The following RSU1 variants were observed in gnomAD, a reference collection of about 807,000 sequenced individuals.
RSU1 encodes the protein Ras suppressor protein 1, also known as rsu-1.
RSU1 carries 26 observed loss-of-function variants against 31.1 expected under a neutral mutation model. That is an observed-to-expected ratio of 0.84 (90% confidence interval 0.61 to 1.16). The LOEUF is 1.16. RSU1 is among the 50% of genes most tolerant of loss of function. The pLI, the probability that RSU1 is intolerant of heterozygous loss-of-function variation, is 0.00. For synonymous variants in RSU1, 164 were observed against 136.3 expected (o/e 1.20, Z -1.41); for missense variants, 320 against 339.1 (o/e 0.94, Z 0.44).
At chr10:16,632,867 C>A (rs1011412135) in intron 8 of RSU1, among the ~76,000 whole-genome samples, 6 of 152,090 alleles carry the variant, frequency 3.9e-5, no homozygotes, top group Admixed American at 3.9e-4. Flanking sequence ...ATCTCTGAAG[C>A]CTGGGAGGCA....
At chr10:16,812,043 G>C (rs933949061) in intron 2 of RSU1, among the ~76,000 whole-genome samples, 4 of 152,202 alleles carry the variant, frequency 2.6e-5, no homozygotes, top group African/African-American at 9.7e-5. Context: ...GGGGGCAAGG[G>C]CTAGCTGGAG....
At chr10:16,778,932 T>C (rs1389236137) in intron 3 of RSU1, among the ~76,000 whole-genome samples, 2 of 152,206 alleles carry the variant, frequency 1.3e-5, no homozygotes, top group Admixed American at 1.3e-4. Context: ...AAGCATTATT[T>C]CCGAAAGGAT....
chr10:16,802,266 T>C (rs1838172793), intron 2 of RSU1, among the ~76,000 whole-genome samples: 1 of 151,282 alleles, frequency 6.6e-6, no homozygotes, highest in African/African-American at 2.4e-5. Flanking sequence ...TCATGGATGT[T>C]AAAGGGATAA....
At chr10:16,792,025 G>A (rs1257666678) in intron 2 of RSU1, among the ~76,000 whole-genome samples, 4 of 152,298 alleles carry the variant, frequency 2.6e-5, no homozygotes, top group Admixed American at 6.5e-5. Flanking sequence ...GATGAGACAC[G>A]GGAAATGAGG....
intron 2 of RSU1, among the ~76,000 whole-genome samples, chr10:16,800,398 T>G (rs576050862): frequency 6.6e-6 from 1 of 151,984 alleles, no homozygotes; most frequent in East Asian, 1.9e-4. Context: ...CCTGAGAGAA[T>G]TGAAAGGAAA....
At chr10:16,659,710 T>C (rs1834854193) in intron 8 of RSU1, among the ~76,000 whole-genome samples, 1 of 152,218 alleles carries the variant, frequency 6.6e-6, no homozygotes, top group African/African-American at 2.4e-5. Context: ...CTTTGGTTCT[T>C]CCTCAGGAGG....
intron 8 of RSU1, among the ~76,000 whole-genome samples, chr10:16,667,708 G>A (rs1027381406): frequency 7.2e-5 from 11 of 152,150 alleles, no homozygotes; most frequent in South Asian, 6.2e-4. Context: ...GGCTGGTCTC[G>A]AACTCCTGAC....
At chr10:16,681,930 T>C (rs1410496255) in intron 8 of RSU1, among the ~76,000 whole-genome samples, 1 of 152,180 alleles carries the variant, frequency 6.6e-6, no homozygotes, top group Non-Finnish European at 1.5e-5. Flanking sequence ...CTTTTTTCCT[T>C]AGTGTTTCAC....
chr10:16,805,058 G>A (rs994637594), intron 2 of RSU1, among the ~76,000 whole-genome samples: 30 of 152,056 alleles, frequency 2.0e-4, no homozygotes, highest in Admixed American at 3.3e-4. Flanking sequence ...AAAATTTGCC[G>A]GGTGTGATGG....
intron 8 of RSU1, among the ~76,000 whole-genome samples, chr10:16,690,178 G>A (rs1473145345): frequency 6.6e-6 from 1 of 152,172 alleles, no homozygotes; most frequent in Non-Finnish European, 1.5e-5. Context: ...CTTAAGTGAT[G>A]AGTATTCCAT....
chr10:16,646,660 AC>A (rs1208876923), intron 8 of RSU1, among the ~76,000 whole-genome samples: 4 of 152,194 alleles, frequency 2.6e-5, no homozygotes, highest in Admixed American at 1.3e-4. Flanking sequence ...AGGGGTTACT[AC>A]ATGGCACATG....
At position 16,767,360 on chromosome 10, in the gene RSU1, T is replaced by C. The variant is rs1837333898; in HGVS notation, c.161-2850A>G. On this transcript the variant is annotated intron_variant, in intron 3 of 8. Coordinates refer to ENST00000345264, the MANE Select transcript of RSU1 (RefSeq NM_012425.4). ...TAAATGCTGGTCTAAAGGTATCGCCTTTTTGACAGGATGAGAGATTATTTC... is the reference window on the plus strand; with the variant it reads ...TAAATGCTGGTCTAAAGGTATCGCCCTTTTGACAGGATGAGAGATTATTTC... The C allele has an allele frequency of 2.6e-5, 4 of 152,250 alleles. No individual in the cohort carries two copies. The South Asian group carries it at 6.2e-4, about 24-fold the overall frequency. 9.4% of individuals were successfully genotyped at this position (152,250 alleles called of 1,614,324 possible). A position where few individuals can be genotyped will look rare whatever the true frequency, so the allele number is the denominator to read the frequency against.
chr10:16,743,928 C>G (rs1418321469), intron 7 of RSU1, among the ~76,000 whole-genome samples: 1 of 151,822 alleles, frequency 6.6e-6, no homozygotes, highest in Admixed American at 6.6e-5. Flanking sequence ...CTCAGGAGTT[C>G]GAGACCAGCC....
chr10:16,739,678 G>C (rs1440043288), intron 7 of RSU1, among the ~76,000 whole-genome samples: 1 of 151,750 alleles, frequency 6.6e-6, no homozygotes, highest in East Asian at 1.9e-4. Context: ...GAGTGCAATG[G>C]TGTGATCTCA....
intron 2 of RSU1, among the ~76,000 whole-genome samples, chr10:16,790,447 G>A (rs1292747989): frequency 6.6e-6 from 1 of 152,180 alleles, no homozygotes; most frequent in Non-Finnish European, 1.5e-5. Flanking sequence ...CTGAGAGGTG[G>A]ATTTAGAAAG....
chr10:16,756,700 G>A (rs1477471867), intron 4 of RSU1, among the ~76,000 whole-genome samples: 6 of 152,196 alleles, frequency 3.9e-5, no homozygotes, highest in African/African-American at 1.4e-4. Context: ...TAGGCTATTA[G>A]GAATTAAGAT....
chr10:16,627,581 C>T (rs1400896938), intron 8 of RSU1, among the ~76,000 whole-genome samples: 2 of 151,950 alleles, frequency 1.3e-5, no homozygotes, highest in African/African-American at 2.4e-5. Flanking sequence ...TGGTGAAACC[C>T]TGTCTCTACT....
chr10:16,648,134 T>G (rs866744160), intron 8 of RSU1, among the ~76,000 whole-genome samples: 1,895 of 143,596 alleles, frequency 0.013, 52 homozygotes, highest in African/African-American at 0.046. Flanking sequence ...AAAAAAAAAT[T>G]TTTTTTTTTT....
At chr10:16,646,868 C>T (rs1273364371) in intron 8 of RSU1, among the ~76,000 whole-genome samples, 4 of 152,128 alleles carry the variant, frequency 2.6e-5, no homozygotes, top group Admixed American at 6.5e-5. Context: ...GGAATCAACA[C>T]GCAAACCAAA....
Sources: gnomAD v4.1 joint callset for allele counts (sites outside exome capture counted in the v4.1 genomes callset) on GRCh38, gnomAD v4.1.1 for gene constraint, MANE v1.5 for transcripts, NCBI Gene and HGNC (gene_info 2026-07-23, HGNC 2026-07-21) for gene names.